ASB16: variants seen among roughly 807,000 people sequenced by gnomAD.
The protein encoded by ASB16 is ankyrin repeat and SOCS box containing 16.
Under a neutral mutation model 39.1 loss-of-function variants are expected in ASB16, and 44 were observed. The ratio of observed to expected loss-of-function variants is 1.13; its 90% CI spans 0.88 to 1.45. The LOEUF (loss-of-function observed/expected upper bound fraction) is 1.45. Among genes scored for constraint, ASB16 ranks in the 40% most tolerant of loss-of-function variants. The pLI, the probability that ASB16 is intolerant of heterozygous loss-of-function variation, is 0.00. For missense variants in ASB16, 698 were observed against 634.5 expected (o/e 1.10, Z -1.07); for synonymous variants, 305 against 286.7 (o/e 1.06, Z -0.64).
At chr17:44,177,325 C>G in intron 3 of ASB16, 95 bp downstream of exon 3, 1 of 1,431,616 alleles carries the variant, frequency 7.0e-7, no homozygotes, top group Non-Finnish European at 9.2e-7. Flanking sequence ...GTCCAAGAGA[C>G]TGAAAGCCTG....
At chr17:44,172,020 C>T in intron 1 of ASB16, 26 bp from the exon 2 acceptor site, 1 of 1,599,230 alleles carries the variant, frequency 6.3e-7, no homozygotes, top group Non-Finnish European at 8.5e-7. Context: ...TATACACCAC[C>T]TCCCAAAACT....
intron 2 of ASB16, 41 bp downstream of exon 2, chr17:44,172,354 T>A (rs1451120899): frequency 6.3e-6 from 10 of 1,588,500 alleles, no homozygotes; most frequent in Non-Finnish European, 8.5e-6. Context: ...GAGAAATGTG[T>A]GTGTGTGTCT....
intron 2 of ASB16, chr17:44,176,371 AAAAAG>A (rs2054289944): frequency 1.4e-5 from 4 of 291,970 alleles, no homozygotes; most frequent in South Asian, 3.4e-5. Flanking sequence ...AAAAAAAAAA[AAAAAG>A]GAGACAACTG....
chr17:44,171,929 G>A, intron 1 of ASB16, 117 bp from the exon 2 acceptor site: 1 of 1,078,184 alleles, frequency 9.3e-7, no homozygotes, highest in East Asian at 2.6e-5. Context: ...CAGTGTTTGT[G>A]CTCAGCAAAC....
chr17:44,178,563 C>T lies in ASB16; in HGVS notation c.*173C>T, dbSNP rs931879773. The stretch of plus-strand genomic sequence containing the variant: ...TCTCGGCTCACTGCAACTTCTACCA[C>T]CTAGGTTCAAGCGATTCTTGTGCCC... On this transcript the variant is annotated 3_prime_UTR_variant, in exon 5 of 5. Transcript: ENST00000293414. The T allele has an allele frequency of 7.0e-5, 49 of 700,740 alleles. No homozygotes were observed. The highest frequency in any genetic ancestry group is 1.0e-4 in the Non-Finnish European group (45 of 432,674). 43.4% of individuals were successfully genotyped at this position (700,740 alleles called of 1,614,324 possible).
chr17:44,177,580 T>A, intron 3 of ASB16, 29 bp from the exon 4 acceptor site: 2 of 1,607,368 alleles, frequency 1.2e-6, no homozygotes, highest in Non-Finnish European at 1.7e-6. Flanking sequence ...GGGGGAGGCA[T>A]GTGCCCAAGA....
rs1264657053 is a variant in ASB16, at chr17:44,176,983, AG to A, written c.817del (p.Ala273LeufsTer84). The A allele has an allele frequency of 6.7e-7, 1 of 1,487,798 alleles. No homozygotes were observed. The highest frequency in any genetic ancestry group is 1.5e-5 in the African/African-American group (1 of 67,846). 92.2% of individuals were successfully genotyped at this position (1,487,798 alleles called of 1,614,324 possible). A position where few individuals can be genotyped will look rare whatever the true frequency, so the allele number is the denominator to read the frequency against. ...CAGGCTGCGGCGCGCCGGCTCCTGGAGGCTGGAGCTGATGCCCGGGCGGCCG... is the reference window on the plus strand; with the variant it reads ...CAGGCTGCGGCGCGCCGGCTCCTGGAGCTGGAGCTGATGCCCGGGCGGCCG... ...RHQAAARRLL[E>X]AGADARAAGR... On this transcript the variant is annotated frameshift_variant, in exon 3 of 5. Coordinates refer to ENST00000293414, the MANE Select transcript of ASB16 (RefSeq NM_080863.5). LOFTEE classifies it high-confidence loss of function.
At position 44,178,292 on chromosome 17, in the gene ASB16, C is replaced by G; in HGVS notation, c.1264C>G (p.Arg422Gly). The change falls in exon 5 of 5, where the codon CGG becomes GGG. Residue 422 changes from arginine to glycine, a missense_variant. By Grantham distance (125) the Arg-to-Gly change is moderately radical (BLOSUM62 -2). Coordinates refer to ENST00000293414, the MANE Select transcript of ASB16 (RefSeq NM_080863.5). ...QHLARLAVRARLGSRCRQGAT... is the reference protein window; with the variant it reads ...QHLARLAVRAGLGSRCRQGAT... Reference sequence around the variant, plus strand: ...CCTGGCCCGACTAGCTGTGCGCGCTCGGTTGGGAAGCCGCTGCCGGCAGGG... The same window carrying G: ...CCTGGCCCGACTAGCTGTGCGCGCTGGGTTGGGAAGCCGCTGCCGGCAGGG... 12 of 1,612,874 alleles carry G rather than the reference C, an allele frequency of 7.4e-6. No individual in the cohort carries two copies. Among genetic ancestry groups the G allele is most frequent in the Non-Finnish European group, 1.0e-5 (12 of 1,179,850 alleles).
rs1473724435 is a variant in ASB16 at position 44,176,861 on chromosome 17, G to A, written c.693G>A (p.Glu231=). 5.6e-6 allele frequency: 9 copies of A among 1,609,724 alleles called. No individual in the cohort carries two copies. Among genetic ancestry groups the A allele is most frequent in the African/African-American group, 5.3e-5 (4 of 74,890 alleles). ...GLEQHVALYL[E]HGADVGLRTS... ...AGCAACATGTGGCTCTGTACCTGGA[G>A]CATGGCGCCGACGTGGGCCTGCGCA... Residue 231 remains glutamate, a synonymous_variant, in exon 3 of 5, where the codon GAG becomes GAA. Transcript: ENST00000293414.
intron 2 of ASB16, 108 bp downstream of exon 2, chr17:44,172,421 T>C: frequency 1.5e-6 from 2 of 1,304,004 alleles, no homozygotes; most frequent in African/African-American, 1.5e-5. Flanking sequence ...TTGTGGTTCA[T>C]AAAGCACCGC....
In ASB16 at chr17:44,178,347, T is replaced by G; in HGVS notation, c.1319T>G (p.Leu440Arg). The change falls in exon 5 of 5, where the codon CTC becomes CGC. Residue 440 changes from leucine (L) to arginine (R), a missense_variant. Physicochemically the swap from Leu to Arg is moderately radical, Grantham distance 102. Transcript: ENST00000293414. ...GATRLPLPPL[L>R]RDYLLLRVEG... ...ACCCGGCTGCCACTGCCCCCGCTCC[T>G]CAGGGACTACCTGCTGCTGCGTGTG... 1 of 1,611,138 alleles carries G rather than the reference T, an allele frequency of 6.2e-7. No homozygotes were observed. The highest frequency in any genetic ancestry group is 8.5e-7 in the Non-Finnish European group (1 of 1,178,812).
rs577930824 is a variant in ASB16 at position 44,178,803 on chromosome 17, C to T, written c.*413C>T. 69 of 202,368 alleles carry T rather than the reference C, an allele frequency of 3.4e-4. No homozygotes were observed. The highest frequency in any genetic ancestry group is 1.2e-3 in the African/African-American group (51 of 42,210). 12.5% of individuals were successfully genotyped at this position (202,368 alleles called of 1,614,324 possible). A position where few individuals can be genotyped will look rare whatever the true frequency, so the allele number is the denominator to read the frequency against. ...TCTTTTCTGTACTCCACGTGCTGTC[C>T]TGGTCCACCTCACTCCTCCATGGGC... On this transcript the variant is annotated 3_prime_UTR_variant, in exon 5 of 5. Coordinates refer to ENST00000293414, the MANE Select transcript of ASB16 (RefSeq NM_080863.5).
intron 2 of ASB16, among the ~76,000 whole-genome samples, chr17:44,175,067 A>G (rs1485089439): frequency 7.0e-6 from 1 of 142,576 alleles, no homozygotes; most frequent in Admixed American, 7.6e-5. Context: ...GAGCTACTGC[A>G]CTCCAGCCTG....
rs751418691 is a variant in ASB16 at position 44,172,089 on chromosome 17, C to T, written c.345C>T (p.Leu115=). 24 of 1,611,604 alleles carry T rather than the reference C, an allele frequency of 1.5e-5. No individual in the cohort carries two copies. Among genetic ancestry groups the T allele is most frequent in the Middle Eastern group, 1.6e-4 (1 of 6,084 alleles). Residue 115 remains leucine, a synonymous_variant, in exon 2 of 5, where the codon CTC becomes CTT. Transcript: ENST00000293414. ...CCAAGACCAAGCAGACGGCACCCCT[C>T]GCCATCGCTACAGCCCGAGGCTACA... The part of the protein sequence containing the change: ...LTPKTKQTAP[L]AIATARGYTD...
At chr17:44,172,606 C>G (rs1389840812) in intron 2 of ASB16, among the ~76,000 whole-genome samples, 1 of 151,996 alleles carries the variant, frequency 6.6e-6, no homozygotes, top group Non-Finnish European at 1.5e-5. Context: ...CCCTGTGAAT[C>G]CTTTGTAGCC....
chr17:44,178,362 T>A lies in ASB16; in HGVS notation c.1334T>A (p.Leu445Gln). The part of the protein sequence containing the change: ...PLPPLLRDYL[L>Q]LRVEGCIQ ...CCCCCGCTCCTCAGGGACTACCTGCTGCTGCGTGTGGAGGGGTGCATCCAG... is the reference window on the plus strand; with the variant it reads ...CCCCCGCTCCTCAGGGACTACCTGCAGCTGCGTGTGGAGGGGTGCATCCAG... The change falls in exon 5 of 5, where the codon CTG becomes CAG. Residue 445 changes from leucine (L) to glutamine (Q), a missense_variant. Leu to Gln is a moderately radical substitution (Grantham distance 113). Coordinates refer to ENST00000293414, the MANE Select transcript of ASB16 (RefSeq NM_080863.5). 6.2e-7 allele frequency: 1 copy of A among 1,608,372 alleles called. No individual in the cohort carries two copies. The highest frequency in any genetic ancestry group is 8.5e-7 in the Non-Finnish European group (1 of 1,177,406).
Position 44,178,703 on chromosome 17 carries a change from A to G in ASB16, c.*313A>G. The G allele has an allele frequency of 2.8e-6, 1 of 356,978 alleles. No homozygotes were observed. The allele number at this position is 356,978 out of a possible 1,614,324, so 22.1% of individuals were successfully genotyped here. A position where few individuals can be genotyped will look rare whatever the true frequency, so the allele number is the denominator to read the frequency against. The stretch of plus-strand genomic sequence containing the variant: ...GCCAGGCTGGTCTCACACTGACCTC[A>G]GGTGATCCACCCGCCTTGGCCTCCC... On this transcript the variant is annotated 3_prime_UTR_variant, in exon 5 of 5. Coordinates refer to ENST00000293414, the MANE Select transcript of ASB16 (RefSeq NM_080863.5).
intron 2 of ASB16, among the ~76,000 whole-genome samples, chr17:44,174,795 G>A (rs7213436): frequency 0.37 from 55,948 of 152,032 alleles, 11,415 homozygotes; most frequent in East Asian, 0.71. Context: ...GCGAGCTTTG[G>A]AGTGTTAGTT....
At position 44,177,679 on chromosome 17, in the gene ASB16, C is replaced by T. The variant is rs1161962712; in HGVS notation, c.1133C>T (p.Ser378Phe). Residue 378 changes from serine to phenylalanine, a missense_variant, in exon 4 of 5, where the codon TCC (serine) becomes TTC (phenylalanine). Physicochemically the swap from Ser to Phe is radical, Grantham distance 155 (BLOSUM62 -2). Coordinates refer to ENST00000293414, the MANE Select transcript of ASB16 (RefSeq NM_080863.5). ...VLLNAYPCVP[S>F]CETWVEAVLP... ...CTTAATGCCTATCCTTGTGTCCCAT[C>T]CTGTGAGACCTGGGTGGAGGCGGTG... is the stretch of plus-strand genomic sequence containing the variant. 2 of 1,613,888 alleles carry T rather than the reference C, an allele frequency of 1.2e-6. No homozygotes were observed. Among genetic ancestry groups the T allele is most frequent in the Admixed American group, 1.7e-5 (1 of 60,000 alleles).
Sources: allele counts gnomAD v4.1 joint callset (sites outside exome capture counted in the v4.1 genomes callset), GRCh38; gene constraint gnomAD v4.1.1; transcripts MANE v1.5; gene names NCBI Gene and HGNC (gene_info 2026-07-23, HGNC 2026-07-21).